ZNF765: variants seen among roughly 807,000 people sequenced by gnomAD.
ZNF765 encodes the protein zinc finger protein 765.
In ZNF765, 37 loss-of-function variants were observed where a neutral mutation model predicts 44.7. The ratio of observed to expected loss-of-function variants is 0.83; its 90% CI spans 0.64 to 1.09. The LOEUF is 1.09. Ranked by LOEUF, ZNF765 falls within the 50% of genes least tolerant of loss-of-function variation. The pLI, the probability that ZNF765 is intolerant of heterozygous loss-of-function variation, is 0.00. For synonymous variants in ZNF765, 201 were observed against 213.7 expected (o/e 0.94, Z 0.52); for missense variants, 594 against 626.1 (o/e 0.95, Z 0.55).
chr19:53,410,721 A>G lies in ZNF765; in HGVS notation c.*1594A>G. The G allele has an allele frequency of 2.3e-6, 1 of 432,978 alleles. No individual in the cohort carries two copies. The highest frequency in any genetic ancestry group is 1.8e-5 in the South Asian group (1 of 56,138). The allele number at this position is 432,978 out of a possible 1,614,324, so 26.8% of individuals were successfully genotyped here. On this transcript the variant is annotated 3_prime_UTR_variant, in exon 4 of 4. Coordinates refer to ENST00000396408, the MANE Select transcript of ZNF765 (RefSeq NM_001040185.3). ...TTTTCAGACATTGTTCATAACTTGC[A>G]GTTCATCGGCGAACTCGTACTGGAG... is the stretch of plus-strand genomic sequence containing the variant.
rs1187402453 is a variant in ZNF765 at position 53,405,924 on chromosome 19, TATATATATATATATATATATATATATAA to T, written c.143-1772_143-1745del. Among the ~76,000 whole-genome samples, 4 of 71,980 alleles carry T rather than the reference TATATATATATATATATATATATATATAA, an allele frequency of 5.6e-5. No homozygotes were observed. The East Asian group carries it at 2.7e-3, about 48-fold the overall frequency. 47.2% of individuals were successfully genotyped at this position (71,980 alleles called of 152,430 possible). A position where few individuals can be genotyped will look rare whatever the true frequency, so the allele number is the denominator to read the frequency against. On this transcript the variant is annotated intron_variant, in intron 3 of 3. Transcript: ENST00000396408. Reference sequence around the variant, plus strand: ...CCAACTATATATATATATATATATATATATATATATATATATATATATATATAAAATTGCTGTATTGCCTGGCTGTTTC... The same window carrying T: ...CCAACTATATATATATATATATATATAATTGCTGTATTGCCTGGCTGTTTC...
chr19:53,397,130 A>G (rs1409942206), intron 1 of ZNF765, among the ~76,000 whole-genome samples: 1 of 152,212 alleles, frequency 6.6e-6, no homozygotes, highest in African/African-American at 2.4e-5. Context: ...AACATGGGAT[A>G]ATTTTTTTAT....
downstream of ZNF765, among the ~76,000 whole-genome samples, chr19:53,416,921 A>C (rs574379384): frequency 2.0e-5 from 3 of 151,916 alleles, no homozygotes; most frequent in African/African-American, 7.2e-5. Flanking sequence ...AGGTTTGAGC[A>C]ATTCTCCTCT....
At chr19:53,414,869 G>A (rs1291742783), downstream of ZNF765, among the ~76,000 whole-genome samples, 2 of 152,022 alleles carry the variant, frequency 1.3e-5, no homozygotes, top group Non-Finnish European at 2.9e-5. Flanking sequence ...ACTCAGCTCT[G>A]TCAATGTGTA....
In ZNF765 at chr19:53,409,037, C is replaced by A. The variant is rs1268304821; in HGVS notation, c.1482C>A (p.Tyr494Ter). ...HHRLHTGQKP[Y>*]KCEDCDEAFS... Reference sequence around the variant, plus strand: ...GACTTCATACTGGACAGAAACCTTACAAATGTGAAGATTGTGATGAAGCTT... The same window carrying A: ...GACTTCATACTGGACAGAAACCTTAAAAATGTGAAGATTGTGATGAAGCTT... The change falls in exon 4 of 4, where the codon TAC becomes TAA. Residue 494 changes from tyrosine (Y) to a stop codon, truncating the protein, a stop_gained. Coordinates refer to ENST00000396408, the MANE Select transcript of ZNF765 (RefSeq NM_001040185.3). LOFTEE classifies it high-confidence loss of function. 11 of 1,613,704 alleles carry A rather than the reference C, an allele frequency of 6.8e-6. No individual in the cohort carries two copies. Among genetic ancestry groups the A allele is most frequent in the Non-Finnish European group, 8.5e-6 (10 of 1,179,954 alleles).
In ZNF765 at chr19:53,409,832, C is replaced by T; in HGVS notation, c.*705C>T. 1 of 691,830 alleles carries T rather than the reference C, an allele frequency of 1.4e-6. No homozygotes were observed. The highest frequency in any genetic ancestry group is 3.1e-5 in the East Asian group (1 of 32,402). The allele number at this position is 691,830 out of a possible 1,614,324, so 42.9% of individuals were successfully genotyped here. A position where few individuals can be genotyped will look rare whatever the true frequency, so the allele number is the denominator to read the frequency against. On this transcript the variant is annotated 3_prime_UTR_variant, in exon 4 of 4. Transcript: ENST00000396408. Reference sequence around the variant, plus strand: ...CTTTAGTCTGAAGTCATACCTTACGCACCATCGTAGACTTCATACTGGAGA... The same window carrying T: ...CTTTAGTCTGAAGTCATACCTTACGTACCATCGTAGACTTCATACTGGAGA...
chr19:53,398,651 C>G (rs2085693631), intron 2 of ZNF765, among the ~76,000 whole-genome samples: 1 of 152,182 alleles, frequency 6.6e-6, no homozygotes, highest in African/African-American at 2.4e-5. Flanking sequence ...CCATTCTTAG[C>G]ACATTACGCT....
Position 53,410,066 on chromosome 19 carries a change from G to T in ZNF765, c.*939G>T. On this transcript the variant is annotated 3_prime_UTR_variant, in exon 4 of 4. Transcript: ENST00000396408. ...CATCCTTCATACCTTTGCAGTTCATGGGTGAAGTCGTATTAGAAACCTTAC... is the reference window on the plus strand; with the variant it reads ...CATCCTTCATACCTTTGCAGTTCATTGGTGAAGTCGTATTAGAAACCTTAC... 2.2e-6 allele frequency: 1 copy of T among 456,714 alleles called. No homozygotes were observed. The highest frequency in any genetic ancestry group is 2.6e-5 in the Admixed American group (1 of 38,922). The allele number at this position is 456,714 out of a possible 1,614,324, so 28.3% of individuals were successfully genotyped here.
rs10409462 is a variant in ZNF765 at position 53,404,810 on chromosome 19, G to C, written c.142+2619G>C. Among the ~76,000 whole-genome samples, 1,150 of 152,298 alleles carry C rather than the reference G, an allele frequency of 7.6e-3. 17 individuals are homozygous for C. Among genetic ancestry groups the C allele is most frequent in the African/African-American group, 0.026 (1,086 of 41,574 alleles). On this transcript the variant is annotated intron_variant, in intron 3 of 3. Coordinates refer to ENST00000396408, the MANE Select transcript of ZNF765 (RefSeq NM_001040185.3). ...ATTGCTATAGATGGCTTCAGGTATT[G>C]CAAGATTTATGGTACAGGCTCTAAA...
intron 3 of ZNF765, among the ~76,000 whole-genome samples, chr19:53,407,247 T>C (rs1328075196): frequency 2.0e-5 from 3 of 152,224 alleles, no homozygotes; most frequent in Non-Finnish European, 2.9e-5. Flanking sequence ...AGAATTTCCA[T>C]TGATTTTGGT....
chr19:53,418,338 CTAAA>C (rs1337746413), intron 3 of ZNF765, among the ~76,000 whole-genome samples: 3 of 152,004 alleles, frequency 2.0e-5, no homozygotes, highest in South Asian at 2.1e-4. Context: ...GACTCCATCT[CTAAA>C]TAAATAAATA....
rs897887584 is a variant in ZNF765, at chr19:53,410,281, T to C, written c.*1154T>C. 9 of 360,676 alleles carry C rather than the reference T, an allele frequency of 2.5e-5. No individual in the cohort carries two copies. The highest frequency in any genetic ancestry group is 1.5e-4 in the African/African-American group (7 of 46,566). 22.3% of individuals were successfully genotyped at this position (360,676 alleles called of 1,614,324 possible). A position where few individuals can be genotyped will look rare whatever the true frequency, so the allele number is the denominator to read the frequency against. On this transcript the variant is annotated 3_prime_UTR_variant, in exon 4 of 4. Coordinates refer to ENST00000396408, the MANE Select transcript of ZNF765 (RefSeq NM_001040185.3). The stretch of plus-strand genomic sequence containing the variant: ...CAAATGTGAAGCATGTGACAAAGTT[T>C]ACAGTCGCAAATCAAGCCTCCAAAG...
chr19:53,409,862 C>A lies in ZNF765; in HGVS notation c.*735C>A. 1.5e-6 allele frequency: 1 copy of A among 661,758 alleles called. No individual in the cohort carries two copies. The highest frequency in any genetic ancestry group is 2.9e-6 in the Non-Finnish European group (1 of 345,162). The allele number at this position is 661,758 out of a possible 1,614,324, so 41.0% of individuals were successfully genotyped here. A position where few individuals can be genotyped will look rare whatever the true frequency, so the allele number is the denominator to read the frequency against. Reference sequence around the variant, plus strand: ...TCGTAGACTTCATACTGGAGAGGTACCTTACAAGGATAATGAGTGTAGAAA... The same window carrying A: ...TCGTAGACTTCATACTGGAGAGGTAACTTACAAGGATAATGAGTGTAGAAA... On this transcript the variant is annotated 3_prime_UTR_variant, in exon 4 of 4. Transcript: ENST00000396408.
downstream of ZNF765, among the ~76,000 whole-genome samples, chr19:53,412,770 C>T (rs540860744): frequency 3.3e-5 from 5 of 152,214 alleles, no homozygotes; most frequent in East Asian, 5.8e-4. Context: ...CCACCCGCCT[C>T]GGCCTCCCAA....
At chr19:53,407,028 T>C (rs1039968214) in intron 3 of ZNF765, among the ~76,000 whole-genome samples, 17 of 152,150 alleles carry the variant, frequency 1.1e-4, no homozygotes, top group Non-Finnish European at 2.1e-4. Context: ...ACATTTTTTT[T>C]CAAGATGGAA....
chr19:53,405,935 ATATATATATATAT>A (rs1568778996), intron 3 of ZNF765, among the ~76,000 whole-genome samples: 13 of 90,814 alleles, frequency 1.4e-4, no homozygotes, highest in Admixed American at 3.3e-4. Context: ...ATATATATAT[ATATATATATATAT>A]ATAAAATTGC....
At chr19:53,414,499 C>T (rs1313716973), downstream of ZNF765, among the ~76,000 whole-genome samples, 2 of 30,182 alleles carry the variant, frequency 6.6e-5, 1 homozygote, top group Non-Finnish European at 1.6e-4. Context: ...ACCCCCCCCC[C>T]CCCCCCCCCC....
At chr19:53,405,903 C>CTATATATATATATATA (rs10675178) in intron 3 of ZNF765, among the ~76,000 whole-genome samples, 17 of 49,176 alleles carry the variant, frequency 3.5e-4, no homozygotes, top group Admixed American at 8.7e-4. Flanking sequence ...TTAATACCAA[C>CTATATATATATATATA]TATATATATA....
At chr19:53,418,675 G>T (rs551069424) in intron 3 of ZNF765, among the ~76,000 whole-genome samples, 3 of 151,984 alleles carry the variant, frequency 2.0e-5, no homozygotes, top group Non-Finnish European at 4.4e-5. Flanking sequence ...TGGTGGGGGG[G>T]GCGGTGGATC....
Sources: gnomAD v4.1 joint callset for allele counts (sites outside exome capture counted in the v4.1 genomes callset) on GRCh38, gnomAD v4.1.1 for gene constraint, MANE v1.5 for transcripts, NCBI Gene and HGNC (gene_info 2026-07-23, HGNC 2026-07-21) for gene names.